PRR3: variants seen among roughly 807,000 people sequenced by gnomAD.
PRR3 encodes proline rich 3.
In PRR3, 16 loss-of-function variants were observed where a neutral mutation model predicts 22.4. The ratio of observed to expected loss-of-function variants is 0.71; its 90% CI spans 0.48 to 1.09. PRR3 has a LOEUF of 1.09. Ranked by LOEUF, PRR3 falls within the 50% of genes least tolerant of loss-of-function variation. PRR3 has a pLI of 0.00. For missense variants in PRR3, 224 were observed against 243.4 expected (o/e 0.92, Z 0.53); for synonymous variants, 87 against 88.6 (o/e 0.98, Z 0.10).
Position 30,557,443 on chromosome 6 carries a change from TC to T in PRR3, c.102del (p.Ile35SerfsTer35). 2 of 1,607,560 alleles carry T rather than the reference TC, an allele frequency of 1.2e-6. No homozygotes were observed. The highest frequency in any genetic ancestry group is 1.7e-6 in the Non-Finnish European group (2 of 1,177,080). ...AGACTGGAGATGAGGAGGATGGGAG[TC>T]CCATCGGTGAGGGGTCTGGGAGGGA... ...EETGDEEDGSPIGPPSLLGPP... is the reference protein window; with the variant it reads ...EETGDEEDGSXIGPPSLLGPP... On this transcript the variant is annotated frameshift_variant, in exon 1 of 4. Transcript: ENST00000376560. LOFTEE classifies it high-confidence loss of function.
rs781583806 is a variant in PRR3 at position 30,558,209 on chromosome 6, T to C, written c.166T>C (p.Ser56Pro). 6.2e-7 allele frequency: 1 copy of C among 1,612,628 alleles called. No individual in the cohort carries two copies. Among genetic ancestry groups the C allele is most frequent in the Non-Finnish European group, 8.5e-7 (1 of 1,179,784 alleles). ...MANGKPGDPK[S>P]ALHRGPPGSR... The stretch of plus-strand genomic sequence containing the variant: ...CAATGGAAAACCTGGCGACCCTAAG[T>C]CAGGTGAGGAGGAAGGGGCCCTGAT... The change falls in exon 2 of 4, where the codon TCA (serine) becomes CCA (proline). Residue 56 changes from serine (S) to proline (P), a missense_variant. Ser to Pro is a moderately conservative substitution (Grantham distance 74). Coordinates refer to ENST00000376560, the MANE Select transcript of PRR3 (RefSeq NM_025263.4).
In PRR3 at chr6:30,563,275, G is replaced by T. The variant is rs1800767297; in HGVS notation, c.*780G>T. 6.6e-6 allele frequency: 1 copy of T among 152,578 alleles called. No homozygotes were observed. Among genetic ancestry groups the T allele is most frequent in the Non-Finnish European group, 1.5e-5 (1 of 68,056 alleles). 9.5% of individuals were successfully genotyped at this position (152,578 alleles called of 1,614,324 possible). Reference sequence around the variant, plus strand: ...AGAATTGTGAACTTTCCATCAGACTGCCTCCCTGGCCCTCCCCATTCTTCT... The same window carrying T: ...AGAATTGTGAACTTTCCATCAGACTTCCTCCCTGGCCCTCCCCATTCTTCT... On this transcript the variant is annotated 3_prime_UTR_variant, in exon 4 of 4. Coordinates refer to ENST00000376560, the MANE Select transcript of PRR3 (RefSeq NM_025263.4).
intron 1 of PRR3, 82 bp downstream of exon 1, chr6:30,557,532 G>A: frequency 3.0e-6 from 3 of 992,246 alleles, no homozygotes; most frequent in Non-Finnish European, 4.5e-6. Context: ...TGCGAAGGAG[G>A]GGGCTGTAAC....
In PRR3 at chr6:30,561,745, C is replaced by A; in HGVS notation, c.170-89C>A. The A allele has an allele frequency of 1.5e-6, 2 of 1,293,194 alleles. No homozygotes were observed. The highest frequency in any genetic ancestry group is 2.1e-6 in the Non-Finnish European group (2 of 963,698). 80.1% of individuals were successfully genotyped at this position (1,293,194 alleles called of 1,614,324 possible). On this transcript the variant is annotated intron_variant, in intron 2 of 3. Transcript: ENST00000376560. This position sits in a 1 kb window ranked among gnomAD's most constrained non-coding sequence, Gnocchi z 4.0. ...GTGTGTCTTTATGTATGCTGTTCTT[C>A]AATAAAAAAAATTTTTTTAATCACG...
chr6:30,563,089 G>A lies in PRR3; in HGVS notation c.*594G>A, dbSNP rs1293727219. 6.6e-6 allele frequency: 1 copy of A among 152,628 alleles called. No individual in the cohort carries two copies. Among genetic ancestry groups the A allele is most frequent in the Non-Finnish European group, 1.5e-5 (1 of 68,140 alleles). The allele number at this position is 152,628 out of a possible 1,614,324, so 9.5% of individuals were successfully genotyped here. On this transcript the variant is annotated 3_prime_UTR_variant, in exon 4 of 4. Transcript: ENST00000376560. ...CAGTAGCATGATCCCCACCGCTATG[G>A]TCTATCTATGATCACCGTGCTTTGT... is the stretch of plus-strand genomic sequence containing the variant.
Position 30,557,317 on chromosome 6 carries a change from TC to T in PRR3, c.-25del. ...TGCCCCTTCCTCACTACCCTCCAAA[TC>T]CCGCTGCAGCCATTGCCGCAGACAC... On this transcript the variant is annotated 5_prime_UTR_variant, in exon 1 of 4. Coordinates refer to ENST00000376560, the MANE Select transcript of PRR3 (RefSeq NM_025263.4). 2 of 1,586,152 alleles carry T rather than the reference TC, an allele frequency of 1.3e-6. No individual in the cohort carries two copies. Among genetic ancestry groups the T allele is most frequent in the Non-Finnish European group, 1.7e-6 (2 of 1,159,744 alleles).
At position 30,561,510 on chromosome 6, in the gene PRR3, TATG is replaced by T; in HGVS notation, c.170-321_170-319del. 1 of 573,870 alleles carries T rather than the reference TATG, an allele frequency of 1.7e-6. No homozygotes were observed. The allele number at this position is 573,870 out of a possible 1,614,324, so 35.5% of individuals were successfully genotyped here. ...GCCAGACATAAAAGAATGCAGACTG[TATG>T]ATTCCATTTTTGTGAAGTTCAAAAA... On this transcript the variant is annotated intron_variant, in intron 2 of 3. Coordinates refer to ENST00000376560, the MANE Select transcript of PRR3 (RefSeq NM_025263.4). This position sits in a 1 kb window ranked among gnomAD's most constrained non-coding sequence, Gnocchi z 4.0.
At position 30,561,201 on chromosome 6, in the gene PRR3, T is replaced by G; in HGVS notation, c.170-633T>G. The G allele has an allele frequency of 3.0e-6, 1 of 333,480 alleles. No homozygotes were observed. The highest frequency in any genetic ancestry group is 5.8e-6 in the Non-Finnish European group (1 of 171,334). The allele number at this position is 333,480 out of a possible 1,614,324, so 20.7% of individuals were successfully genotyped here. ...TGAAAAAAAAGTTTGGCATTATGTATGAAACTTGAGCATAACATATACTTT... is the reference window on the plus strand; with the variant it reads ...TGAAAAAAAAGTTTGGCATTATGTAGGAAACTTGAGCATAACATATACTTT... On this transcript the variant is annotated intron_variant, in intron 2 of 3. Coordinates refer to ENST00000376560, the MANE Select transcript of PRR3 (RefSeq NM_025263.4). The surrounding 1 kb of genome is among the most constrained non-coding windows in gnomAD (Gnocchi z 4.0).
intron 2 of PRR3, 129 bp downstream of exon 2, chr6:30,558,341 G>T: frequency 1.4e-6 from 1 of 727,194 alleles, no homozygotes; most frequent in Non-Finnish European, 2.3e-6. Flanking sequence ...GAGAGAAGTT[G>T]TATATTTGCT....
chr6:30,561,780 GA>G lies in PRR3; in HGVS notation c.170-53del. 1 of 1,463,622 alleles carries G rather than the reference GA, an allele frequency of 6.8e-7. No homozygotes were observed. Among genetic ancestry groups the G allele is most frequent in the Non-Finnish European group, 9.0e-7 (1 of 1,105,362 alleles). The allele number at this position is 1,463,622 out of a possible 1,614,324, so 90.7% of individuals were successfully genotyped here. A position where few individuals can be genotyped will look rare whatever the true frequency, so the allele number is the denominator to read the frequency against. On this transcript the variant is annotated intron_variant, in intron 2 of 3. Transcript: ENST00000376560. The surrounding 1 kb of genome is among the most constrained non-coding windows in gnomAD (Gnocchi z 4.0). ...AATTTTTTTAATCACGGTTTATCAG[GA>G]TTCAGCTGCCCATTAGACACCTTTC...
intron 2 of PRR3, among the ~76,000 whole-genome samples, chr6:30,559,407 AAAT>A (rs1162979145): frequency 3.3e-5 from 5 of 152,204 alleles, no homozygotes; most frequent in African/African-American, 1.2e-4. Context: ...CAAACTTGCC[AAAT>A]AATACCATTA....
At chr6:30,556,796 G>A (rs1321478796), upstream of PRR3, 1 of 473,678 alleles carries the variant, frequency 2.1e-6, no homozygotes, top group East Asian at 4.1e-5. The surrounding 1 kb of genome is among the most constrained non-coding windows in gnomAD (Gnocchi z 5.7). Context: ...AGAGTCCTGG[G>A]TGCCGACCTG....
rs752311286 is a variant in PRR3, at chr6:30,558,178, C to G, written c.135C>G (p.Pro45=). ...IGPPSLLGPP[P]MANGKPGDPK... ...CACCCAGCCTTCTGGGCCCTCCCCC[C>G]ATGGCCAATGGAAAACCTGGCGACC... Residue 45 remains proline, a synonymous_variant, in exon 2 of 4, where the codon CCC becomes CCG. Transcript: ENST00000376560. 1 of 1,613,056 alleles carries G rather than the reference C, an allele frequency of 6.2e-7. No homozygotes were observed. Among genetic ancestry groups the G allele is most frequent in the Non-Finnish European group, 8.5e-7 (1 of 1,180,010 alleles).
Position 30,563,105 on chromosome 6 carries a change from C to T in PRR3, c.*610C>T, listed in dbSNP as rs1026931996. On this transcript the variant is annotated 3_prime_UTR_variant, in exon 4 of 4. Coordinates refer to ENST00000376560, the MANE Select transcript of PRR3 (RefSeq NM_025263.4). The stretch of plus-strand genomic sequence containing the variant: ...ACCGCTATGGTCTATCTATGATCAC[C>T]GTGCTTTGTGAAACTGTGCATCCCC... 1.3e-5 allele frequency: 2 copies of T among 152,604 alleles called. No individual in the cohort carries two copies. The highest frequency in any genetic ancestry group is 2.9e-5 in the Non-Finnish European group (2 of 68,070). The allele number at this position is 152,604 out of a possible 1,614,324, so 9.5% of individuals were successfully genotyped here. A position where few individuals can be genotyped will look rare whatever the true frequency, so the allele number is the denominator to read the frequency against.
chr6:30,558,038 C>A, intron 1 of PRR3, 112 bp from the exon 2 acceptor site: 1 of 911,262 alleles, frequency 1.1e-6, no homozygotes, highest in Non-Finnish European at 1.8e-6. Flanking sequence ...TGAAAATATA[C>A]CTGACTTTAC....
At position 30,561,461 on chromosome 6, in the gene PRR3, CA is replaced by C; in HGVS notation, c.170-370del. ...CTACAGGCAACCTGGATGAATCTCACAAACATGATGTTGAGCGAAAGGAGCC... is the reference window on the plus strand; with the variant it reads ...CTACAGGCAACCTGGATGAATCTCACAACATGATGTTGAGCGAAAGGAGCC... On this transcript the variant is annotated intron_variant, in intron 2 of 3. Transcript: ENST00000376560. The surrounding 1 kb of genome is among the most constrained non-coding windows in gnomAD (Gnocchi z 4.0). 2 of 508,224 alleles carry C rather than the reference CA, an allele frequency of 3.9e-6. No individual in the cohort carries two copies. The highest frequency in any genetic ancestry group is 7.6e-6 in the Non-Finnish European group (2 of 262,528). 31.5% of individuals were successfully genotyped at this position (508,224 alleles called of 1,614,324 possible).
At chr6:30,557,079 G>C, upstream of PRR3, 1 of 702,306 alleles carries the variant, frequency 1.4e-6, no homozygotes, top group Non-Finnish European at 2.6e-6. Flanking sequence ...TTTCCAGCGA[G>C]GGAAGAAAAG....
rs1422230823 is a variant in PRR3 at position 30,563,471 on chromosome 6, T to C, written c.*976T>C. 6.6e-6 allele frequency: 1 copy of C among 152,652 alleles called. No homozygotes were observed. Among genetic ancestry groups the C allele is most frequent in the East Asian group, 1.9e-4 (1 of 5,194 alleles). The allele number at this position is 152,652 out of a possible 1,614,324, so 9.5% of individuals were successfully genotyped here. On this transcript the variant is annotated 3_prime_UTR_variant, in exon 4 of 4. Transcript: ENST00000376560. ...AATCTCCACCTTGCCTATCTTTGGG[T>C]AGAAGCTGGACAGTACTGTTGCCCT...
In PRR3 at chr6:30,562,520, G is replaced by T. The variant is rs775206037; in HGVS notation, c.*25G>T. The stretch of plus-strand genomic sequence containing the variant: ...AGACTGTGCCTTCCCATCCAGGCTG[G>T]AAGGAGCTCTCTGTGACCTAGCGGC... On this transcript the variant is annotated 3_prime_UTR_variant, in exon 4 of 4. Transcript: ENST00000376560. The T allele has an allele frequency of 6.9e-7, 1 of 1,454,666 alleles. No individual in the cohort carries two copies. Among genetic ancestry groups the T allele is most frequent in the Non-Finnish European group, 9.6e-7 (1 of 1,036,938 alleles). 90.1% of individuals were successfully genotyped at this position (1,454,666 alleles called of 1,614,324 possible).
Sources: gnomAD v4.1 joint callset for allele counts (sites outside exome capture counted in the v4.1 genomes callset) on GRCh38, gnomAD v4.1.1 for gene constraint, Gnocchi (gnomAD v3.1) non-coding constraint, MANE v1.5 for transcripts, NCBI Gene and HGNC (gene_info 2026-07-23, HGNC 2026-07-21) for gene names.